The following MYO7A variants were observed in gnomAD, a reference collection of about 807,000 sequenced individuals.
MYO7A encodes unconventional myosin-VIIa.
A neutral mutation model predicts 263.8 loss-of-function variants in MYO7A; 210 were observed. The ratio of observed to expected loss-of-function variants is 0.80; its 90% CI spans 0.71 to 0.89. MYO7A has a LOEUF of 0.89. Among genes scored for constraint, MYO7A ranks in the 40% least tolerant of loss-of-function variants. MYO7A has a pLI of 0.00. For missense variants in MYO7A, 2,820 were observed against 2,968.3 expected, an observed-to-expected ratio of 0.95 and a Z score of 1.16; for synonymous variants, 1,239 against 1,197.3, an observed-to-expected ratio of 1.03 and a Z score of -0.72.
intron 31 of MYO7A, chr11:77,194,134 A>C: frequency 1.4e-6 from 1 of 698,826 alleles, no homozygotes; most frequent in East Asian, 2.7e-5. Flanking sequence ...AGAGGGATCC[A>C]GGAGAAGGTG....
chr11:77,143,867 C>T (rs1439217844), intron 3 of MYO7A, among the ~76,000 whole-genome samples: 1 of 152,114 alleles, frequency 6.6e-6, no homozygotes. Flanking sequence ...CCCTCGAGGC[C>T]AGGTGCTTGA....
At chr11:77,158,468 G>A (rs374011934) in intron 9 of MYO7A, 38 bp downstream of exon 9, 112 of 1,599,612 alleles carry the variant, frequency 7.0e-5, no homozygotes, top group African/African-American at 1.1e-4. Context: ...CCACCCCTGC[G>A]CCAAGGGCAG....
chr11:77,136,468 A>C (rs1192883874), intron 2 of MYO7A, among the ~76,000 whole-genome samples: 1 of 152,088 alleles, frequency 6.6e-6, no homozygotes, highest in Non-Finnish European at 1.5e-5. Context: ...CAGCCGCCAG[A>C]CTTACTTTAC....
intron 20 of MYO7A, 66 bp downstream of exon 20, chr11:77,179,195 G>A: frequency 6.9e-7 from 1 of 1,451,500 alleles, no homozygotes; most frequent in Non-Finnish European, 9.4e-7. Flanking sequence ...TGCCATGGCA[G>A]TGGGACTGGC....
rs1952555075 is a variant in MYO7A at position 77,157,181 on chromosome 11, C to T, written c.736-98C>T. ...ACCCACCGATGGGCTTCTCCACAAG[C>T]CATTTGTTAAAATAGTAAACCATCA... On this transcript the variant is annotated intron_variant, in intron 7 of 48. Coordinates refer to ENST00000409709, the MANE Select transcript of MYO7A (RefSeq NM_000260.4). 4.4e-6 allele frequency: 6 copies of T among 1,356,324 alleles called. No homozygotes were observed. In the East Asian group the frequency reaches 9.8e-5, roughly 22 times the overall value. The allele number at this position is 1,356,324 out of a possible 1,614,324, so 84.0% of individuals were successfully genotyped here. A position where few individuals can be genotyped will look rare whatever the true frequency, so the allele number is the denominator to read the frequency against.
rs56023295 is a variant in MYO7A at position 77,155,909 on chromosome 11, G to T, written c.288G>T (p.Thr96=). 1.3e-6 allele frequency: 2 copies of T among 1,598,218 alleles called. No individual in the cohort carries two copies. The highest frequency in any genetic ancestry group is 8.5e-7 in the Non-Finnish European group (1 of 1,170,894). ...TCCCCATCTCTTGCTGCCCGCAGAC[G>T]TATACGGGCTCCATCCTGGTGGCTG... is the stretch of plus-strand genomic sequence containing the variant. ...LIRYRDHLIY[T]YTGSILVAVN... is the part of the protein sequence containing the mutation. The change falls in exon 5 of 49, where the codon ACG becomes ACT. Residue 96 remains threonine, a splice_region_variant and synonymous_variant. Transcript: ENST00000409709.
intron 31 of MYO7A, chr11:77,193,981 G>A (rs1329889490): frequency 4.2e-6 from 2 of 481,248 alleles, no homozygotes; most frequent in Non-Finnish European, 8.2e-6. Context: ...CATTCTCCAG[G>A]GCAGACACTT....
In MYO7A at chr11:77,208,527, C is replaced by T. The variant is rs766855090; in HGVS notation, c.5944+10C>T. The T allele has an allele frequency of 6.2e-7, 1 of 1,609,762 alleles. No homozygotes were observed. The highest frequency in any genetic ancestry group is 8.5e-7 in the Non-Finnish European group (1 of 1,177,544). On this transcript the variant is annotated intron_variant, in intron 43 of 48. Coordinates refer to ENST00000409709, the MANE Select transcript of MYO7A (RefSeq NM_000260.4). ...CGGCCCATCAAGGACGGTAATGAGG[C>T]CGGGTCCTGGGATCATCTGAGGCCC...
intron 45 of MYO7A, 94 bp from the exon 46 acceptor site, chr11:77,211,712 CTGGAGTGGGCAGGGG>C: frequency 1.2e-6 from 1 of 801,016 alleles, no homozygotes. Context: ...GCAGACGGGG[CTGGAGTGGGCAGGGG>C]TGGTGTGGGG....
chr11:77,186,762 A>G (rs535455852), intron 27 of MYO7A, among the ~76,000 whole-genome samples: 13 of 152,346 alleles, frequency 8.5e-5, no homozygotes, highest in South Asian at 6.2e-4. Flanking sequence ...TATCATTTGC[A>G]TGTTCACTGG....
At chr11:77,132,935 G>A (rs917308971) in intron 2 of MYO7A, among the ~76,000 whole-genome samples, 14 of 152,292 alleles carry the variant, frequency 9.2e-5, no homozygotes, top group African/African-American at 2.4e-4. Context: ...GTCGGCTCCC[G>A]GGGCTCGGGT....
intron 38 of MYO7A, among the ~76,000 whole-genome samples, 163 bp downstream of exon 38, chr11:77,203,380 C>T (rs116902140): frequency 1.3e-5 from 2 of 152,316 alleles, no homozygotes; most frequent in East Asian, 1.9e-4. Context: ...GGGGCTGCCT[C>T]GCCCACTGTT....
chr11:77,153,774 C>T (rs568590353), intron 4 of MYO7A, among the ~76,000 whole-genome samples: 1 of 152,150 alleles, frequency 6.6e-6, no homozygotes, highest in Admixed American at 6.5e-5. Context: ...TTGCTACCAG[C>T]GGCTGGGCCC....
At chr11:77,130,521 C>A in intron 1 of MYO7A, 68 bp from the exon 2 acceptor site, 1 of 1,306,526 alleles carries the variant, frequency 7.7e-7, no homozygotes, top group Non-Finnish European at 1.1e-6. Context: ...GCCCAGGTGA[C>A]CCCAGCCAGG....
chr11:77,199,410 C>T, intron 34 of MYO7A, 125 bp from the exon 35 acceptor site: 1 of 1,013,760 alleles, frequency 9.9e-7, no homozygotes, highest in Non-Finnish European at 1.3e-6. Flanking sequence ...CACTGTGGGT[C>T]TCCCTCTGGG....
intron 28 of MYO7A, among the ~76,000 whole-genome samples, 176 bp from the exon 29 acceptor site, chr11:77,189,844 T>A (rs1591411666): frequency 1.3e-5 from 2 of 150,514 alleles, no homozygotes; most frequent in South Asian, 4.2e-4. Flanking sequence ...TAGCGGGAGG[T>A]GGGGGAGGCC....
rs1954926737 is a variant in MYO7A at position 77,179,059 on chromosome 11, A to G, written c.2297A>G (p.Lys766Arg). ...TGCTGTTTCAGGTCTAACTTTCTGA[A>G]GCTGAAGAACGCTGCCACACTGATC... Reference protein sequence around the residue: ...RGFKDRSNFLKLKNAATLIQR... With the variant: ...RGFKDRSNFLRLKNAATLIQR... The change falls in exon 20 of 49, where the codon AAG becomes AGG. Residue 766 changes from lysine to arginine, a missense_variant. Transcript: ENST00000409709. 1 of 1,607,656 alleles carries G rather than the reference A, an allele frequency of 6.2e-7. No individual in the cohort carries two copies. The highest frequency in any genetic ancestry group is 1.3e-5 in the African/African-American group (1 of 74,964).
Position 77,206,205 on chromosome 11 carries a change from G to A in MYO7A, c.5742+3G>A, listed in dbSNP as rs571252858. ...ACTTCCCTGATGACACTGACGAGGT[G>A]AGGGTCACCGGCTTCTAGGTCTGCA... On this transcript the variant is annotated splice_donor_region_variant and intron_variant, in intron 41 of 48. Transcript: ENST00000409709. 3 of 1,605,842 alleles carry A rather than the reference G, an allele frequency of 1.9e-6. No individual in the cohort carries two copies. The highest frequency in any genetic ancestry group is 2.2e-5 in the East Asian group (1 of 44,684).
In MYO7A at chr11:77,197,577, T is replaced by C; in HGVS notation, c.4420T>C (p.Tyr1474His). ...FKWPLLFSRF[Y>H]EAYKFSGPSL... ...GTGGCCCTTGCTCTTCTCCAGGTTT[T>C]ATGAAGCCTACAAATTCTCAGGTAC... Residue 1474 changes from tyrosine (Y) to histidine (H), a missense_variant, in exon 33 of 49, where the codon TAT becomes CAT. Transcript: ENST00000409709. 6.3e-7 allele frequency: 1 copy of C among 1,599,944 alleles called. No individual in the cohort carries two copies. Among genetic ancestry groups the C allele is most frequent in the Non-Finnish European group, 8.5e-7 (1 of 1,173,006 alleles).
Sources: gnomAD v4.1 joint callset for allele counts (sites outside exome capture counted in the v4.1 genomes callset) on GRCh38, gnomAD v4.1.1 for gene constraint, MANE v1.5 for transcripts, NCBI Gene and HGNC (gene_info 2026-07-23, HGNC 2026-07-21) for gene names.